DYNLT2: variants seen among roughly 807,000 people sequenced by gnomAD.
DYNLT2 encodes dynein light chain Tctex-type protein 2.
DYNLT2 carries 24 observed loss-of-function variants against 24.3 expected under a neutral mutation model. The ratio of observed to expected loss-of-function variants is 0.99; its 90% CI spans 0.71 to 1.39. The LOEUF is 1.39. Ranked by LOEUF, DYNLT2 falls within the 40% of genes most tolerant of loss-of-function variation. The pLI, the probability that DYNLT2 is intolerant of heterozygous loss-of-function variation, is 0.00. For synonymous variants in DYNLT2, 85 were observed against 85.4 expected, an observed-to-expected ratio of 1.00 and a Z score of 0.03; for missense variants, 246 against 234.5, an observed-to-expected ratio of 1.05 and a Z score of -0.32.
chr6:169,742,896 G>A (rs182651798), intron 3 of DYNLT2, among the ~76,000 whole-genome samples, 184 bp downstream of exon 3: 16 of 152,308 alleles, frequency 1.1e-4, no homozygotes, highest in Non-Finnish European at 1.6e-4. Flanking sequence ...AACGAACCCA[G>A]CTGGTTTGTA....
At chr6:169,737,730 A>T (rs2128334771), downstream of DYNLT2, among the ~76,000 whole-genome samples, 1 of 152,234 alleles carries the variant, frequency 6.6e-6, no homozygotes, top group African/African-American at 2.4e-5. Context: ...GCCTGATGCC[A>T]GTAGGATCAC....
chr6:169,727,457 A>G, the DYNLT2 span, among the ~76,000 whole-genome samples: 1 of 152,224 alleles, frequency 6.6e-6, no homozygotes, highest in Non-Finnish European at 1.5e-5. Flanking sequence ...TGGGCTCCAG[A>G]GCACAGGTAT....
chr6:169,733,221 C>A, the DYNLT2 span, among the ~76,000 whole-genome samples: 1 of 151,270 alleles, frequency 6.6e-6, no homozygotes, highest in Non-Finnish European at 1.5e-5. Context: ...AAAATTTTCT[C>A]CCATTCTGTA....
the DYNLT2 span, chr6:169,725,204 A>G: frequency 2.5e-6 from 1 of 398,830 alleles, no homozygotes; most frequent in Non-Finnish European, 4.4e-6. Flanking sequence ...CCCGCCGTAC[A>G]GCTGGCCTCA....
At chr6:169,727,260 A>G in the DYNLT2 span, among the ~76,000 whole-genome samples, 1 of 152,226 alleles carries the variant, frequency 6.6e-6, no homozygotes, top group Non-Finnish European at 1.5e-5. Context: ...TCTTCTGTGT[A>G]GTTTTATTAT....
intron 1 of DYNLT2, chr6:169,749,499 G>A (rs1054894493): frequency 8.6e-5 from 13 of 151,678 alleles, no homozygotes; most frequent in African/African-American, 2.9e-4. Flanking sequence ...GCAACAACAG[G>A]AACTCATTCG....
chr6:169,725,223 A>T, the DYNLT2 span: 2 of 398,774 alleles, frequency 5.0e-6, no homozygotes, highest in Non-Finnish European at 8.8e-6. Flanking sequence ...CACGGATTCC[A>T]CTGCCTGCGC....
the DYNLT2 span, among the ~76,000 whole-genome samples, chr6:169,730,428 C>G: frequency 6.6e-6 from 1 of 152,078 alleles, no homozygotes; most frequent in Non-Finnish European, 1.5e-5. Context: ...GGGTTACCTA[C>G]GCTAACTCCT....
chr6:169,743,208 T>C lies in DYNLT2; in HGVS notation c.358A>G (p.Lys120Glu), dbSNP rs763749953. 1.9e-6 allele frequency: 3 copies of C among 1,564,564 alleles called. No individual in the cohort carries two copies. In the Admixed American group the frequency reaches 5.2e-5, roughly 27 times the overall value. The change falls in exon 3 of 4, where the codon AAA becomes GAA. Residue 120 changes from lysine (K) to glutamate (E), a missense_variant. Transcript: ENST00000366774. ...TCAAGTGACAAGTGAGAGAATACTT[T>C]ATCATCATATTTGACATCTTTAAGA... The part of the protein sequence containing the change: ...ESLKDVKYDD[K>E]VFSHLSLELA...
At chr6:169,749,083 C>T (rs903431120) in intron 1 of DYNLT2, among the ~76,000 whole-genome samples, 1 of 152,058 alleles carries the variant, frequency 6.6e-6, no homozygotes, top group African/African-American at 2.4e-5. Flanking sequence ...CTAAATGCCA[C>T]ATGCTAGTGT....
intron 1 of DYNLT2, among the ~76,000 whole-genome samples, chr6:169,747,443 T>C (rs1789831824): frequency 6.6e-6 from 1 of 152,174 alleles, no homozygotes; most frequent in Admixed American, 6.5e-5. Flanking sequence ...ATAAGAACGT[T>C]AGGCAACTTT....
chr6:169,733,957 T>A, the DYNLT2 span, among the ~76,000 whole-genome samples: 4 of 152,218 alleles, frequency 2.6e-5, no homozygotes, highest in African/African-American at 9.6e-5. Context: ...CCTCTCTTAT[T>A]TCCTTGAGCA....
the DYNLT2 span, among the ~76,000 whole-genome samples, chr6:169,733,618 G>C: frequency 6.6e-6 from 1 of 152,088 alleles, no homozygotes; most frequent in Non-Finnish European, 1.5e-5. Context: ...TTATTTCTGA[G>C]GTCTCTGTTC....
intron 1 of DYNLT2, among the ~76,000 whole-genome samples, chr6:169,746,388 C>A (rs1430308895): frequency 1.3e-5 from 2 of 152,144 alleles, no homozygotes; most frequent in Non-Finnish European, 2.9e-5. Flanking sequence ...TCCTTCCAAC[C>A]CATTTTTGCT....
chr6:169,732,148 C>A, the DYNLT2 span, among the ~76,000 whole-genome samples: 1 of 152,178 alleles, frequency 6.6e-6, no homozygotes, highest in East Asian at 1.9e-4. Flanking sequence ...CTACAACTAT[C>A]ATGTATATTC....
chr6:169,732,119 C>A, the DYNLT2 span, among the ~76,000 whole-genome samples: 1 of 152,044 alleles, frequency 6.6e-6, no homozygotes, highest in Admixed American at 6.5e-5. Flanking sequence ...TCAATAGCTC[C>A]TTTTAAAGAG....
the DYNLT2 span, among the ~76,000 whole-genome samples, chr6:169,733,746 T>G: frequency 6.6e-6 from 1 of 152,242 alleles, no homozygotes; most frequent in African/African-American, 2.4e-5. Context: ...TTCTTTTTGC[T>G]TAGGATTGTC....
chr6:169,739,463 A>G (rs546389365), downstream of DYNLT2, among the ~76,000 whole-genome samples: 241 of 152,314 alleles, frequency 1.6e-3, no homozygotes, highest in Middle Eastern at 6.8e-3. Context: ...TCTGTCAAGC[A>G]AAATGAATGT....
At chr6:169,743,012 A>G in intron 3 of DYNLT2, 68 bp downstream of exon 3, 1 of 1,280,162 alleles carries the variant, frequency 7.8e-7, no homozygotes, top group Non-Finnish European at 1.0e-6. Flanking sequence ...CACAATAAAA[A>G]TCAAATCACT....
Sources: gnomAD v4.1 joint callset for allele counts (sites outside exome capture counted in the v4.1 genomes callset) on GRCh38, gnomAD v4.1.1 for gene constraint, MANE v1.5 for transcripts, NCBI Gene and HGNC (gene_info 2026-07-23, HGNC 2026-07-21) for gene names.